NTRK3: variants seen among roughly 807,000 people sequenced by gnomAD.
The protein encoded by NTRK3 is NT-3 growth factor receptor.
In NTRK3, 24 loss-of-function variants were observed where a neutral mutation model predicts 91.7. That is an observed-to-expected ratio of 0.26 (90% CI 0.19 to 0.37). NTRK3 has a LOEUF of 0.37. NTRK3 is among the 10% of genes least tolerant of loss of function. The probability of loss-of-function intolerance (pLI) is 1.00; values close to 1 mark genes in which losing one functional copy is unlikely to be tolerated. For synonymous variants in NTRK3, 483 were observed against 404.0 expected (o/e 1.20, Z -2.34); for missense variants, 880 against 1,068.9 (o/e 0.82, Z 2.46).
chr15:87,914,382 G>C (rs1348147825), intron 17 of NTRK3, among the ~76,000 whole-genome samples: 1 of 152,164 alleles, frequency 6.6e-6, no homozygotes, highest in East Asian at 1.9e-4. Flanking sequence ...CTTTCCCTTG[G>C]TGATACCAGT....
At chr15:87,944,020 C>G (rs2070171625) in intron 14 of NTRK3, among the ~76,000 whole-genome samples, 1 of 152,204 alleles carries the variant, frequency 6.6e-6, no homozygotes, top group Admixed American at 6.5e-5. Flanking sequence ...AGAAAATAGC[C>G]TTGGCTCATT....
At chr15:87,865,459 AT>A in exon 19 of NTRK3, 1 of 214,490 alleles carries the variant, frequency 4.7e-6, no homozygotes. Flanking sequence ...ACTCACACGT[AT>A]TTTTGTTGGC....
intron 14 of NTRK3, among the ~76,000 whole-genome samples, chr15:88,016,956 TAAAAAAAAAAA>T: frequency 1.2e-5 from 1 of 84,324 alleles, no homozygotes; most frequent in South Asian, 4.6e-4. Flanking sequence ...AGACGAAGCT[TAAAAAAAAAAA>T]AAAAAAAAAA....
At chr15:88,003,168 G>C (rs1056609277) in intron 14 of NTRK3, among the ~76,000 whole-genome samples, 1 of 152,226 alleles carries the variant, frequency 6.6e-6, no homozygotes, top group Non-Finnish European at 1.5e-5. Flanking sequence ...CTTGTCTTTT[G>C]AAGCACACAA....
rs4034771 is a variant in NTRK3, at chr15:88,243,536, GCACACACACACACACA to G, written c.248+12354_248+12369del. Reference sequence around the variant, plus strand: ...CACTTGATCCCATCCCCCATAGCATGCACACACACACACACACACACACACACACACACACACACAC... The same window carrying G: ...CACTTGATCCCATCCCCCATAGCATGCACACACACACACACACACACACAC... On this transcript the variant is annotated intron_variant, in intron 3 of 18. Coordinates refer to ENST00000394480, the Ensembl canonical transcript of NTRK3. The surrounding 1 kb of genome is among the most constrained non-coding windows in gnomAD (Gnocchi z 4.8). 6.9e-6 allele frequency among the ~76,000 whole-genome samples: 1 copy of G among 145,880 alleles called. No individual in the cohort carries two copies. The highest frequency in any genetic ancestry group is 1.5e-5 in the Non-Finnish European group (1 of 66,720).
chr15:88,222,153 G>A (rs1325576613), intron 3 of NTRK3, among the ~76,000 whole-genome samples: 1 of 152,220 alleles, frequency 6.6e-6, no homozygotes, highest in African/African-American at 2.4e-5. Context: ...ACGTGGGTCA[G>A]AACTCAGAGA....
At chr15:87,983,087 A>G (rs2074434295) in intron 14 of NTRK3, among the ~76,000 whole-genome samples, 1 of 152,254 alleles carries the variant, frequency 6.6e-6, no homozygotes, top group African/African-American at 2.4e-5. Context: ...CCCAATACCA[A>G]ATGCAGTTCT....
intron 6 of NTRK3, chr15:88,144,081 C>T (rs929196999): frequency 6.6e-6 from 1 of 152,116 alleles, no homozygotes; most frequent in Non-Finnish European, 1.5e-5. Context: ...TTTCTTCCTA[C>T]TTCATTCTTT....
chr15:87,947,130 C>T (rs1433027754), intron 14 of NTRK3, among the ~76,000 whole-genome samples: 1 of 152,102 alleles, frequency 6.6e-6, no homozygotes, highest in Admixed American at 6.5e-5. Flanking sequence ...TCACCTGCCT[C>T]AGCCTCCCAA....
intron 14 of NTRK3, among the ~76,000 whole-genome samples, chr15:87,976,235 C>T (rs1015386620): frequency 1.3e-5 from 2 of 152,284 alleles, no homozygotes; most frequent in East Asian, 1.9e-4. Flanking sequence ...GAGATAAATG[C>T]CGAGCTTGGT....
chr15:88,220,146 T>C (rs118169200), intron 3 of NTRK3, among the ~76,000 whole-genome samples: 341 of 151,752 alleles, frequency 2.2e-3, no homozygotes, highest in Non-Finnish European at 3.7e-3. Flanking sequence ...AATAAAGAAA[T>C]GAAAAAGAAT....
intron 17 of NTRK3, among the ~76,000 whole-genome samples, chr15:87,920,329 GT>G (rs1344768478): frequency 6.6e-6 from 1 of 152,216 alleles, no homozygotes; most frequent in African/African-American, 2.4e-5. Flanking sequence ...CATTTAAGTT[GT>G]TTTTCAAAAT....
At chr15:87,894,854 A>G (rs139327539) in intron 17 of NTRK3, among the ~76,000 whole-genome samples, 1 of 152,062 alleles carries the variant, frequency 6.6e-6, no homozygotes, top group South Asian at 2.1e-4. Flanking sequence ...ACTGTCTAAG[A>G]CTATTCTGAG....
exon 17 of NTRK3, chr15:87,929,329 C>G (rs754125614): frequency 1.9e-6 from 3 of 1,614,158 alleles, no homozygotes; most frequent in Admixed American, 3.3e-5. Flanking sequence ...ACACCATACC[C>G]GAGGCGATCT....
At chr15:87,981,140 T>C in intron 14 of NTRK3, 1 of 1,547,592 alleles carries the variant, frequency 6.5e-7, no homozygotes, top group Non-Finnish European at 8.7e-7. Context: ...ATATGGAGGC[T>C]TGATGAGTCT....
intron 6 of NTRK3, among the ~76,000 whole-genome samples, chr15:88,137,777 G>A (rs2151224217): frequency 6.6e-6 from 1 of 152,344 alleles, no homozygotes; most frequent in African/African-American, 2.4e-5. Flanking sequence ...ATCCAGCCAG[G>A]TGCGGTGGCT....
At chr15:88,157,228 C>G (rs1018166995) in intron 5 of NTRK3, among the ~76,000 whole-genome samples, 1 of 152,062 alleles carries the variant, frequency 6.6e-6, no homozygotes, top group African/African-American at 2.4e-5. Flanking sequence ...TCTTCCCTCT[C>G]TCACACACAC....
intron 3 of NTRK3, among the ~76,000 whole-genome samples, chr15:88,219,055 CCA>C (rs1469124014): frequency 6.6e-6 from 1 of 152,192 alleles, no homozygotes; most frequent in Non-Finnish European, 1.5e-5. Flanking sequence ...GACCTCTTGG[CCA>C]CAGACTGGTG....
At chr15:88,046,007 A>G (rs2080152281) in intron 13 of NTRK3, among the ~76,000 whole-genome samples, 1 of 152,230 alleles carries the variant, frequency 6.6e-6, no homozygotes. Context: ...AGACTTCAAC[A>G]TATCTTTTTG....
Sources: gnomAD v4.1 joint callset for allele counts (sites outside exome capture counted in the v4.1 genomes callset) on GRCh38, gnomAD v4.1.1 for gene constraint, Gnocchi (gnomAD v3.1) non-coding constraint, MANE v1.5 for transcripts, NCBI Gene and HGNC (gene_info 2026-07-23, HGNC 2026-07-21) for gene names.